ESR1: variants seen among roughly 807,000 people sequenced by gnomAD.
The protein encoded by ESR1 is estrogen receptor 1, also known as estrogen receptor.
ESR1 carries 12 observed loss-of-function variants against 52.7 expected under a neutral mutation model. That is an observed-to-expected ratio of 0.23 (90% CI 0.15 to 0.37). The LOEUF (loss-of-function observed/expected upper bound fraction) is 0.37. Ranked by LOEUF, ESR1 falls within the 10% of genes least tolerant of loss-of-function variation. The probability of loss-of-function intolerance (pLI) is 1.00; values close to 1 mark genes in which losing one functional copy is unlikely to be tolerated. For missense variants in ESR1, 584 were observed against 779.7 expected, an observed-to-expected ratio of 0.75 and a Z score of 2.99; for synonymous variants, 305 against 316.8, an observed-to-expected ratio of 0.96 and a Z score of 0.39.
chr6:151,886,381 T>C (rs560838987), intron 3 of ESR1, among the ~76,000 whole-genome samples: 2 of 152,198 alleles, frequency 1.3e-5, no homozygotes, highest in Non-Finnish European at 2.9e-5. Flanking sequence ...TTATGTTTCC[T>C]TATAACACAT....
intron 2 of ESR1, among the ~76,000 whole-genome samples, chr6:151,721,651 T>G (rs1394177781): frequency 6.6e-6 from 1 of 152,236 alleles, no homozygotes; most frequent in Admixed American, 6.5e-5. Flanking sequence ...TCATCTATGT[T>G]GAGTGTCTTC....
intron 1 of ESR1, among the ~76,000 whole-genome samples, chr6:151,813,848 A>G (rs1352040861): frequency 2.0e-5 from 3 of 152,220 alleles, no homozygotes; most frequent in Non-Finnish European, 2.9e-5. Context: ...CCATTAAGTA[A>G]TGTTCAGAAC....
chr6:151,840,479 A>T (rs1422367213), intron 1 of ESR1, among the ~76,000 whole-genome samples: 1 of 152,238 alleles, frequency 6.6e-6, no homozygotes, highest in Non-Finnish European at 1.5e-5. Flanking sequence ...CGAAATTGGC[A>T]AAGTCAGACG....
intron 5 of ESR1, among the ~76,000 whole-genome samples, chr6:152,051,229 G>A (rs991414340): frequency 6.6e-6 from 1 of 152,114 alleles, no homozygotes; most frequent in Admixed American, 6.5e-5. Flanking sequence ...ATCAGTCACT[G>A]CAAGATTACC....
At chr6:151,818,835 C>T (rs1780091928) in intron 1 of ESR1, among the ~76,000 whole-genome samples, 1 of 151,488 alleles carries the variant, frequency 6.6e-6, no homozygotes, top group African/African-American at 2.4e-5. Flanking sequence ...ATATATATAC[C>T]TGGTATACAT....
At chr6:151,963,613 T>C (rs576213044) in intron 4 of ESR1, among the ~76,000 whole-genome samples, 1 of 152,332 alleles carries the variant, frequency 6.6e-6, no homozygotes, top group African/African-American at 2.4e-5. Context: ...GCAAATATTT[T>C]CCCCCACTCT....
exon 7 of ESR1, chr6:152,126,915 T>G (rs1205940015): frequency 2.6e-5 from 4 of 152,228 alleles, no homozygotes; most frequent in Non-Finnish European, 4.4e-5. Flanking sequence ...GAGAAGAAAC[T>G]TCTAATTTAT....
intron 1 of ESR1, among the ~76,000 whole-genome samples, chr6:151,817,081 T>C (rs1346479071): frequency 1.3e-5 from 2 of 152,162 alleles, no homozygotes; most frequent in East Asian, 3.8e-4. Flanking sequence ...AAATGGGAAC[T>C]GTGAGAAAGA....
At chr6:152,024,817 CATATACACAT>C (rs2043994796) in intron 5 of ESR1, among the ~76,000 whole-genome samples, 1 of 148,816 alleles carries the variant, frequency 6.7e-6, no homozygotes, top group Non-Finnish European at 1.5e-5. Flanking sequence ...TATATGTGTA[CATATACACAT>C]ATATACACAT....
chr6:152,123,100 C>T (rs1037058691), intron 6 of ESR1, among the ~76,000 whole-genome samples: 3 of 152,166 alleles, frequency 2.0e-5, no homozygotes, highest in Admixed American at 1.3e-4. Flanking sequence ...TAGTTGCTGT[C>T]AGAATCATAC....
downstream of ESR1, among the ~76,000 whole-genome samples, chr6:152,103,980 CTTTTTTT>C (rs369261779): frequency 6.4e-5 from 6 of 93,872 alleles, 1 homozygote; most frequent in Non-Finnish European, 1.2e-4. Context: ...TTCATTCTAC[CTTTTTTT>C]TTTTTTTTTT....
intron 2 of ESR1, among the ~76,000 whole-genome samples, chr6:151,702,816 G>A (rs1321692981): frequency 6.6e-6 from 1 of 152,140 alleles, no homozygotes; most frequent in African/African-American, 2.4e-5. Flanking sequence ...GAAAAGTCAT[G>A]CCTCTAGAAA....
chr6:151,820,365 T>C (rs537541143), intron 1 of ESR1, among the ~76,000 whole-genome samples: 5 of 152,340 alleles, frequency 3.3e-5, no homozygotes, highest in African/African-American at 4.8e-5. Flanking sequence ...AGAACACTGA[T>C]AGCTAGTGTT....
At chr6:151,774,198 G>T (rs1397690053) in intron 2 of ESR1, among the ~76,000 whole-genome samples, 1 of 152,190 alleles carries the variant, frequency 6.6e-6, no homozygotes, top group Non-Finnish European at 1.5e-5. Context: ...AAAGGTACTG[G>T]CAACCAAAGA....
chr6:151,666,439 C>T (rs1326633473), intron 1 of ESR1, among the ~76,000 whole-genome samples: 1 of 152,216 alleles, frequency 6.6e-6, no homozygotes, highest in Non-Finnish European at 1.5e-5. Flanking sequence ...CCAAGGAATT[C>T]AGGTTCCTGG....
chr6:152,026,243 A>G (rs1241311666), intron 5 of ESR1, among the ~76,000 whole-genome samples: 1 of 152,090 alleles, frequency 6.6e-6, no homozygotes, highest in Non-Finnish European at 1.5e-5. Flanking sequence ...ATTTTTGCTT[A>G]ATGAAAACTA....
intron 3 of ESR1, among the ~76,000 whole-genome samples, chr6:151,903,711 G>A (rs1797033195): frequency 6.6e-6 from 1 of 152,182 alleles, no homozygotes. Context: ...TGAGCCCCTG[G>A]CCCTTGGATT....
At chr6:151,937,850 A>G (rs2034554214) in intron 3 of ESR1, among the ~76,000 whole-genome samples, 2 of 152,332 alleles carry the variant, frequency 1.3e-5, no homozygotes, top group South Asian at 4.1e-4. Context: ...TGCCCGTGGT[A>G]TGACCTTGAG....
intron 3 of ESR1, among the ~76,000 whole-genome samples, chr6:151,932,901 T>G (rs2033860426): frequency 6.7e-6 from 1 of 148,988 alleles, no homozygotes; most frequent in African/African-American, 2.5e-5. Context: ...GCCTCCAGCT[T>G]TGTTCTTTTG....
Sources: allele counts gnomAD v4.1 joint callset (sites outside exome capture counted in the v4.1 genomes callset), GRCh38; gene constraint gnomAD v4.1.1; transcripts MANE v1.5; gene names NCBI Gene and HGNC (gene_info 2026-07-23, HGNC 2026-07-21).